Variants in HERPUD1 observed in about 807,000 individuals in gnomAD.
HERPUD1 encodes homocysteine-responsive endoplasmic reticulum-resident ubiquitin-like domain member 1 protein.
Under a neutral mutation model 45.0 loss-of-function variants are expected in HERPUD1, and 17 were observed. That is an observed-to-expected ratio of 0.38 (90% CI 0.26 to 0.57). HERPUD1 has a LOEUF of 0.57. Ranked by LOEUF, HERPUD1 falls within the 20% of genes least tolerant of loss-of-function variation. HERPUD1 has a pLI of 0.72. For missense variants in HERPUD1, 420 were observed against 490.5 expected (o/e 0.86, Z 1.36); for synonymous variants, 164 against 177.5 (o/e 0.92, Z 0.61).
In HERPUD1 at chr16:56,939,954, C is replaced by G; in HGVS notation, c.614C>G (p.Pro205Arg). The change falls in exon 6 of 8, where the codon CCT (proline) becomes CGT (arginine). Residue 205 changes from proline (P) to arginine (R), a missense_variant. By Grantham distance (103) the Pro-to-Arg change is moderately radical. Coordinates refer to ENST00000439977, the MANE Select transcript of HERPUD1 (RefSeq NM_014685.4). ...CCACCACCAAGTGCACAAGAGATAC[C>G]TGTGGTCTCTGCACCTGCTCCAGCC... Reference protein sequence around the residue: ...FVPPPSAQEIPVVSAPAPAPI... With the variant: ...FVPPPSAQEIRVVSAPAPAPI... The G allele has an allele frequency of 6.2e-7, 1 of 1,614,214 alleles. No homozygotes were observed. The highest frequency in any genetic ancestry group is 8.5e-7 in the Non-Finnish European group (1 of 1,180,036).
intron 6 of HERPUD1, 97 bp downstream of exon 6, chr16:56,940,342 C>T: frequency 1.2e-6 from 1 of 835,816 alleles, no homozygotes; most frequent in Non-Finnish European, 1.9e-6. Context: ...GAGATGGAGT[C>T]TCGCTCTGTC....
intron 1 of HERPUD1, chr16:56,933,229 G>A (rs2055840730): frequency 8.8e-6 from 4 of 455,646 alleles, no homozygotes; most frequent in South Asian, 6.2e-5. Flanking sequence ...GGGCATCCGG[G>A]CAGGAAAAGA....
At chr16:56,939,848 C>T (rs191116163) in intron 5 of HERPUD1, 47 bp from the exon 6 acceptor site, 374 of 1,435,380 alleles carry the variant, frequency 2.6e-4, no homozygotes, top group Middle Eastern at 2.3e-3. Context: ...ACAGACTTCA[C>T]GGTGCTTTGG....
At chr16:56,940,285 GTGTT>G (rs2144824414) in intron 6 of HERPUD1, 40 bp downstream of exon 6, 2 of 1,396,854 alleles carry the variant, frequency 1.4e-6, no homozygotes, top group East Asian at 4.6e-5. Context: ...ACACTACACT[GTGTT>G]CACACTAAGC....
chr16:56,943,208 CCTT>C lies in HERPUD1; in HGVS notation c.1095_1097del (p.Phe366del). The C allele has an allele frequency of 6.2e-7, 1 of 1,614,224 alleles. No individual in the cohort carries two copies. Among genetic ancestry groups the C allele is most frequent in the Middle Eastern group, 1.6e-4 (1 of 6,062 alleles). ...CTAGATGGCGAGCAGACCAGCCCCT[CCTT>C]TATGAGCACAGCATGGCTTGTCTTC... On this transcript the variant is annotated inframe_deletion, in exon 8 of 8. Transcript: ENST00000439977.
intron 4 of HERPUD1, among the ~76,000 whole-genome samples, chr16:56,937,978 TCTTAA>T (rs1410038748): frequency 3.3e-5 from 5 of 152,132 alleles, no homozygotes; most frequent in Non-Finnish European, 5.9e-5. Context: ...ATTCAACTAT[TCTTAA>T]CTTGAGAATT....
Position 56,943,062 on chromosome 16 carries a change from G to A in HERPUD1, c.1012-64G>A, listed in dbSNP as rs1489215414. On this transcript the variant is annotated intron_variant, in intron 7 of 7. Coordinates refer to ENST00000439977, the MANE Select transcript of HERPUD1 (RefSeq NM_014685.4). ...CCCTGCCCTTTCCTAACATTATTTG[G>A]TGTTCATCATAGCCCTAATTGTTTT... 4.0e-6 allele frequency: 6 copies of A among 1,510,128 alleles called. No homozygotes were observed. In the East Asian group the frequency reaches 1.1e-4, roughly 29 times the overall value. The allele number at this position is 1,510,128 out of a possible 1,614,324, so 93.5% of individuals were successfully genotyped here.
chr16:56,935,652 A>G, intron 3 of HERPUD1, 177 bp downstream of exon 3: 1 of 615,402 alleles, frequency 1.6e-6, no homozygotes, highest in Non-Finnish European at 2.9e-6. Flanking sequence ...ATGAGTTAAT[A>G]GTAGCAGATT....
chr16:56,936,893 G>C lies in HERPUD1; in HGVS notation c.431+76G>C, dbSNP rs1596979102. ...TTGCATCAATTTAAGAATAAGGTAT[G>C]TTTACACGTATATAATCAGAACTTT... On this transcript the variant is annotated intron_variant, in intron 4 of 7. Transcript: ENST00000439977. 4.7e-6 allele frequency: 7 copies of C among 1,495,796 alleles called. No homozygotes were observed. In the East Asian group the frequency reaches 1.6e-4, roughly 34 times the overall value. The allele number at this position is 1,495,796 out of a possible 1,614,324, so 92.7% of individuals were successfully genotyped here. A position where few individuals can be genotyped will look rare whatever the true frequency, so the allele number is the denominator to read the frequency against.
intron 4 of HERPUD1, 75 bp from the exon 5 acceptor site, chr16:56,939,162 T>G (rs2055889214): frequency 2.1e-5 from 31 of 1,509,304 alleles, no homozygotes; most frequent in Non-Finnish European, 2.4e-5. Flanking sequence ...AATTCTTGAT[T>G]TTAATTTAAA....
chr16:56,932,639 T>A (rs2055835724), intron 1 of HERPUD1, among the ~76,000 whole-genome samples: 1 of 152,266 alleles, frequency 6.6e-6, no homozygotes, highest in Admixed American at 6.5e-5. Context: ...CCAAGCCTGT[T>A]TCTCCCCCAG....
intron 4 of HERPUD1, among the ~76,000 whole-genome samples, chr16:56,938,653 C>T (rs1248016771): frequency 6.6e-6 from 1 of 152,088 alleles, no homozygotes; most frequent in South Asian, 2.1e-4. Context: ...TTGTGCAAAG[C>T]CCCTGTCTTC....
rs1303154139 is a variant in HERPUD1, at chr16:56,943,138, C to T, written c.1024C>T (p.Pro342Ser). 6.2e-7 allele frequency: 1 copy of T among 1,613,964 alleles called. No individual in the cohort carries two copies. The highest frequency in any genetic ancestry group is 1.3e-5 in the African/African-American group (1 of 74,924). The change falls in exon 8 of 8, where the codon CCT becomes TCT. Residue 342 changes from proline to serine, a missense_variant. By Grantham distance (74) the Pro-to-Ser change is moderately conservative (BLOSUM62 -1). Coordinates refer to ENST00000439977, the MANE Select transcript of HERPUD1 (RefSeq NM_014685.4). ...PNNNLQEGTD[P>S]ETEDPNHLPP... ...TCATTACCTGTAGGAAGGCACTGAT[C>T]CTGAAACTGAAGACCCCAACCACCT...
chr16:56,943,469 AC>A lies in HERPUD1; in HGVS notation c.*180del. On this transcript the variant is annotated 3_prime_UTR_variant, in exon 8 of 8. Coordinates refer to ENST00000439977, the MANE Select transcript of HERPUD1 (RefSeq NM_014685.4). ...GTGAAGCCGTGATACAAATTGGTGA[AC>A]AAAAAATGCCCAAGGCTTCTCATGT... The A allele has an allele frequency of 1.4e-6, 1 of 736,408 alleles. No homozygotes were observed. The allele number at this position is 736,408 out of a possible 1,614,324, so 45.6% of individuals were successfully genotyped here.
At chr16:56,935,700 A>G (rs2055861574) in intron 3 of HERPUD1, 1 of 562,090 alleles carries the variant, frequency 1.8e-6, no homozygotes, top group Non-Finnish European at 3.2e-6. Context: ...GGAGTTACAT[A>G]TTGCACTATC....
At position 56,944,782 on chromosome 16, in the gene HERPUD1, A is replaced by AAAGC. The variant is rs2055937747; in HGVS notation, c.*1495_*1498dup. ...CGCACCCAGCCAGGGACTAATCTTTAAAGCAAAGTTTTATATATTTTTACG... is the reference window on the plus strand; with the variant it reads ...CGCACCCAGCCAGGGACTAATCTTTAAAGCAAGCAAAGTTTTATATATTTTTACG... On this transcript the variant is annotated 3_prime_UTR_variant, in exon 8 of 8. Transcript: ENST00000439977. 6.6e-6 allele frequency: 1 copy of AAAGC among 152,178 alleles called. No homozygotes were observed. Among genetic ancestry groups the AAAGC allele is most frequent in the East Asian group, 1.9e-4 (1 of 5,202 alleles). The allele number at this position is 152,178 out of a possible 1,614,324, so 9.4% of individuals were successfully genotyped here.
chr16:56,939,191 A>T (rs761709403), intron 4 of HERPUD1, 46 bp from the exon 5 acceptor site: 5 of 1,593,030 alleles, frequency 3.1e-6, no homozygotes, highest in Admixed American at 1.8e-5. Flanking sequence ...TCATTTGTTC[A>T]TACTCAACCC....
chr16:56,933,846 G>A (rs7500979), intron 1 of HERPUD1, among the ~76,000 whole-genome samples: 49,909 of 151,934 alleles, frequency 0.33, 9,020 homozygotes, highest in African/African-American at 0.49. Context: ...GTGGTTTTCC[G>A]GCCTTTTCTA....
intron 4 of HERPUD1, among the ~76,000 whole-genome samples, chr16:56,937,788 A>T (rs1406387476): frequency 1.3e-5 from 2 of 151,006 alleles, no homozygotes; most frequent in Non-Finnish European, 2.9e-5. Flanking sequence ...ATTTCCATGC[A>T]CTGTAATTTT....
Sources: allele counts gnomAD v4.1 joint callset (sites outside exome capture counted in the v4.1 genomes callset), GRCh38; gene constraint gnomAD v4.1.1; transcripts MANE v1.5; gene names NCBI Gene and HGNC (gene_info 2026-07-23, HGNC 2026-07-21).